Variants in NEK7 observed in about 807,000 individuals in gnomAD.
NEK7 encodes the protein serine/threonine-protein kinase Nek7.
In NEK7, 18 loss-of-function variants were observed where a neutral mutation model predicts 44.6. The observed-to-expected ratio is 0.40, with a 90% CI of 0.28 to 0.60. The LOEUF (loss-of-function observed/expected upper bound fraction) is 0.60, where lower values mean the gene tolerates loss of function less well. Among genes scored for constraint, NEK7 ranks in the 20% least tolerant of loss-of-function variants. The probability of loss-of-function intolerance (pLI) is 0.38; values close to 1 mark genes in which losing one functional copy is unlikely to be tolerated. For synonymous variants in NEK7, 130 were observed against 121.1 expected (o/e 1.07, Z -0.48); for missense variants, 256 against 366.5 (o/e 0.70, Z 2.46).
chr1:198,161,376 A>C (rs1474180752), intron 1 of NEK7, among the ~76,000 whole-genome samples: 2 of 152,190 alleles, frequency 1.3e-5, no homozygotes, highest in Non-Finnish European at 2.9e-5. Context: ...TTGTAGCCAA[A>C]TACAGTATCT....
In NEK7 at chr1:198,186,769, A is replaced by G. The variant is rs553509641; in HGVS notation, c.-29+29493A>G. On this transcript the variant is annotated intron_variant, in intron 1 of 9. Coordinates refer to ENST00000367385, the MANE Select transcript of NEK7 (RefSeq NM_133494.3). ...TCTCATACAACACTTGATGAGGACA[A>G]TTATCAACAGAATGAGGCCAACCTG... Among the ~76,000 whole-genome samples the G allele has an allele frequency of 7.6e-4, 115 of 152,178 alleles. 1 individual carries two copies. The highest frequency in any genetic ancestry group is 1.2e-3 in the Non-Finnish European group (82 of 68,028).
chr1:198,249,435 T>G (rs1384678534), intron 2 of NEK7, among the ~76,000 whole-genome samples: 5 of 151,728 alleles, frequency 3.3e-5, no homozygotes, highest in Admixed American at 1.3e-4. Flanking sequence ...CAAATGGTAT[T>G]TCTAGTTCTA....
chr1:198,227,358 A>G (rs371813138), intron 1 of NEK7, among the ~76,000 whole-genome samples: 14 of 152,192 alleles, frequency 9.2e-5, no homozygotes, highest in African/African-American at 3.4e-4. Flanking sequence ...TAGCAGCATG[A>G]TTTATAATCC....
chr1:198,231,675 A>G (rs1175193937), intron 1 of NEK7, among the ~76,000 whole-genome samples: 3 of 152,106 alleles, frequency 2.0e-5, no homozygotes, highest in African/African-American at 4.8e-5. Flanking sequence ...GTTCATGGAA[A>G]GATACCATTG....
chr1:198,298,502 A>G (rs572553824), intron 9 of NEK7, among the ~76,000 whole-genome samples: 15 of 152,214 alleles, frequency 9.9e-5, no homozygotes, highest in Non-Finnish European at 1.9e-4. Flanking sequence ...ATAATTTAAA[A>G]GTATTATCTT....
Position 198,209,037 on chromosome 1 carries a change from G to GTATA in NEK7, c.-28-23497_-28-23494dup, listed in dbSNP as rs57962708. Among the ~76,000 whole-genome samples, 518 of 145,420 alleles carry GTATA rather than the reference G, an allele frequency of 3.6e-3. 1 individual carries two copies. Among genetic ancestry groups the GTATA allele is most frequent in the Non-Finnish European group, 6.1e-3 (400 of 65,768 alleles). On this transcript the variant is annotated intron_variant, in intron 1 of 9. Coordinates refer to ENST00000367385, the MANE Select transcript of NEK7 (RefSeq NM_133494.3). ...TGCATTAAAGCATATATGTGTGTGT[G>GTATA]TATATATATATATATATATATACAC...
chr1:198,270,877 T>G (rs1653816114), intron 5 of NEK7, among the ~76,000 whole-genome samples: 1 of 152,076 alleles, frequency 6.6e-6, no homozygotes, highest in African/African-American at 2.4e-5. Flanking sequence ...GCTGAAGGTC[T>G]TAGAAAATTG....
chr1:198,315,037 C>G (rs532369268), intron 9 of NEK7, among the ~76,000 whole-genome samples: 1 of 152,158 alleles, frequency 6.6e-6, no homozygotes, highest in East Asian at 1.9e-4. Flanking sequence ...CCAGCCTCGC[C>G]GCCACCTTGC....
chr1:198,207,730 T>A (rs57625101), intron 1 of NEK7, among the ~76,000 whole-genome samples: 2 of 152,130 alleles, frequency 1.3e-5, no homozygotes, highest in Admixed American at 6.6e-5. Context: ...CTGATGGAAC[T>A]GTTCTATATT....
At chr1:198,256,997 T>G (rs1653289439) in intron 3 of NEK7, among the ~76,000 whole-genome samples, 1 of 152,196 alleles carries the variant, frequency 6.6e-6, no homozygotes, top group Non-Finnish European at 1.5e-5. Flanking sequence ...GTCTCACTGT[T>G]TCTTAGTTCT....
intron 1 of NEK7, among the ~76,000 whole-genome samples, chr1:198,157,943 G>C (rs901221498): frequency 3.3e-5 from 5 of 152,220 alleles, no homozygotes; most frequent in Non-Finnish European, 7.3e-5. Flanking sequence ...CAAAGTCAGA[G>C]AAGGGTAGCC....
At chr1:198,193,024 C>G (rs1255135078) in intron 1 of NEK7, among the ~76,000 whole-genome samples, 1 of 149,186 alleles carries the variant, frequency 6.7e-6, no homozygotes, top group Non-Finnish European at 1.5e-5. Flanking sequence ...AATCCAGGAG[C>G]GGTTTTTTTT....
chr1:198,264,352 AT>A, intron 5 of NEK7, 117 bp downstream of exon 5: 1 of 676,300 alleles, frequency 1.5e-6, no homozygotes, highest in Non-Finnish European at 2.5e-6. Context: ...TGCAAAGCTT[AT>A]CTGATAGATA....
chr1:198,200,363 T>G (rs775852091), intron 1 of NEK7, among the ~76,000 whole-genome samples: 29 of 152,268 alleles, frequency 1.9e-4, no homozygotes, highest in South Asian at 8.3e-4. Flanking sequence ...TTTCTAATTG[T>G]ATACCAGATA....
At chr1:198,229,078 C>T (rs1032218408) in intron 1 of NEK7, among the ~76,000 whole-genome samples, 1 of 152,188 alleles carries the variant, frequency 6.6e-6, no homozygotes, top group Non-Finnish European at 1.5e-5. Flanking sequence ...AGAAGCTGAA[C>T]AGACAGGCCT....
chr1:198,249,942 G>C (rs1351920152), intron 2 of NEK7, among the ~76,000 whole-genome samples: 1 of 147,062 alleles, frequency 6.8e-6, no homozygotes, highest in Non-Finnish European at 1.5e-5. Context: ...TTTTAGACAT[G>C]AAGTCCTTGC....
At chr1:198,307,428 G>A (rs539040018) in intron 9 of NEK7, among the ~76,000 whole-genome samples, 2 of 152,022 alleles carry the variant, frequency 1.3e-5, no homozygotes, top group African/African-American at 4.8e-5. Context: ...GCCTTCTGGT[G>A]GTCTAATTTA....
At chr1:198,185,611 C>T (rs1418758685) in intron 1 of NEK7, among the ~76,000 whole-genome samples, 1 of 152,110 alleles carries the variant, frequency 6.6e-6, no homozygotes, top group Non-Finnish European at 1.5e-5. Flanking sequence ...TTGCCAGCCA[C>T]CTCTGACCAT....
Position 198,241,850 on chromosome 1 carries a change from A to T in NEK7, c.57+9213A>T, listed in dbSNP as rs537866407. 2.6e-5 allele frequency among the ~76,000 whole-genome samples: 4 copies of T among 152,042 alleles called. No individual in the cohort carries two copies. In the East Asian group the frequency reaches 5.8e-4, roughly 22 times the overall value. ...TTGACACATAGTTAGCATTCATTAA[A>T]TGTTAGCAAAAATGATGATGATGAC... is the stretch of plus-strand genomic sequence containing the variant. On this transcript the variant is annotated intron_variant, in intron 2 of 9. Transcript: ENST00000367385.
Sources: gnomAD v4.1 joint callset for allele counts (sites outside exome capture counted in the v4.1 genomes callset) on GRCh38, gnomAD v4.1.1 for gene constraint, MANE v1.5 for transcripts, NCBI Gene and HGNC (gene_info 2026-07-23, HGNC 2026-07-21) for gene names.